Variants in ZAN observed in about 807,000 individuals in gnomAD.
ZAN encodes the protein zonadhesin (gene/pseudogene).
In ZAN, 260 loss-of-function variants were observed where a neutral mutation model predicts 286.2. The observed-to-expected ratio is 0.91, with a 90% CI of 0.82 to 1.01. The LOEUF (loss-of-function observed/expected upper bound fraction) is 1.01. ZAN is among the 50% of genes least tolerant of loss of function. The pLI is 0.00. For synonymous variants in ZAN, 1,368 were observed against 1,417.5 expected, an observed-to-expected ratio of 0.97 and a Z score of 0.79; for missense variants, 3,410 against 3,639.2, an observed-to-expected ratio of 0.94 and a Z score of 1.62.
At chr7:100,778,178 A>G (rs906621086) in intron 34 of ZAN, among the ~76,000 whole-genome samples, 1 of 152,048 alleles carries the variant, frequency 6.6e-6, no homozygotes, top group Non-Finnish European at 1.5e-5. Context: ...ATGGTGGCAC[A>G]TGCCTGTAGT....
intron 35 of ZAN, among the ~76,000 whole-genome samples, chr7:100,784,350 G>A (rs529483245): frequency 3.3e-5 from 5 of 151,776 alleles, no homozygotes; most frequent in African/African-American, 4.8e-5. Context: ...GGATGGTCTC[G>A]ATCTCCTGAC....
rs540200393 is a variant in ZAN at position 100,737,705 on chromosome 7, C to CA, written c.613+369dup. Among the ~76,000 whole-genome samples, 165 of 99,946 alleles carry CA rather than the reference C, an allele frequency of 1.7e-3. 16 individuals carry two copies. In the Middle Eastern group the frequency reaches 0.02, roughly 12 times the overall value. 65.6% of individuals were successfully genotyped at this position (99,946 alleles called of 152,430 possible). On this transcript the variant is annotated intron_variant, in intron 6 of 47. Coordinates refer to ENST00000613979, the MANE Select transcript of ZAN (RefSeq NM_003386.3). ...TTGGCGATGGAGTGAGACTCCGTCT[C>CA]AAAAAAAAAAAAAGAAGAATGAGAA...
chr7:100,787,813 T>C (rs1811656375), intron 37 of ZAN, 76 bp from the exon 38 acceptor site: 3 of 1,364,068 alleles, frequency 2.2e-6, no homozygotes, highest in Non-Finnish European at 2.9e-6. Flanking sequence ...CCACCCGCCT[T>C]GGCCTCCCAA....
intron 19 of ZAN, 122 bp from the exon 20 acceptor site, chr7:100,762,093 C>T (rs1809621274): frequency 3.9e-6 from 5 of 1,269,284 alleles, no homozygotes; most frequent in South Asian, 1.3e-5. Flanking sequence ...CCAGTCCGCA[C>T]CTCTTCATCC....
chr7:100,737,376 G>A (rs1807390623), intron 6 of ZAN, 27 bp downstream of exon 6: 3 of 1,357,288 alleles, frequency 2.2e-6, no homozygotes, highest in Non-Finnish European at 3.0e-6. Context: ...CCTCCCGCCT[G>A]CCCTCGGACC....
At chr7:100,772,152 G>A in intron 29 of ZAN, 132 bp downstream of exon 29, 1 of 1,188,272 alleles carries the variant, frequency 8.4e-7, no homozygotes, top group Non-Finnish European at 1.1e-6. Flanking sequence ...GGAGTGCAGT[G>A]GCGCAATCTC....
intron 14 of ZAN, 97 bp from the exon 15 acceptor site, chr7:100,755,129 C>T: frequency 7.1e-7 from 1 of 1,402,944 alleles, no homozygotes; most frequent in South Asian, 1.4e-5. Context: ...GTCCTGTTTC[C>T]TAGAGAAGAA....
At chr7:100,735,888 G>A (rs1412353515) in intron 3 of ZAN, 116 bp downstream of exon 3, 2 of 835,912 alleles carry the variant, frequency 2.4e-6, no homozygotes, top group Non-Finnish European at 3.7e-6. Context: ...AGTCCCCTCC[G>A]GGCATCAGCC....
intron 40 of ZAN, 100 bp from the exon 41 acceptor site, chr7:100,791,866 T>A: frequency 1.4e-6 from 2 of 1,399,878 alleles, no homozygotes; most frequent in South Asian, 3.0e-5. Flanking sequence ...TAGCTGGGAC[T>A]CCAGGCAGCC....
Position 100,736,381 on chromosome 7 carries a change from G to C in ZAN, c.107-102G>C. On this transcript the variant is annotated intron_variant, in intron 3 of 47. Transcript: ENST00000613979. ...ACCACACCCGGCTGATTTCATGGCAGCTTTCTCTAAGTGTAGCAATCTTGC... is the reference window on the plus strand; with the variant it reads ...ACCACACCCGGCTGATTTCATGGCACCTTTCTCTAAGTGTAGCAATCTTGC... The C allele has an allele frequency of 1.5e-6, 2 of 1,298,700 alleles. 1 individual carries two copies. Among genetic ancestry groups the C allele is most frequent in the East Asian group, 4.7e-5 (2 of 42,656 alleles). The allele number at this position is 1,298,700 out of a possible 1,614,324, so 80.4% of individuals were successfully genotyped here. A position where few individuals can be genotyped will look rare whatever the true frequency, so the allele number is the denominator to read the frequency against.
Position 100,747,575 on chromosome 7 carries a change from C to T in ZAN, c.957C>T (p.Phe319=), listed in dbSNP as rs760639905. 2 of 1,613,748 alleles carry T rather than the reference C, an allele frequency of 1.2e-6. No individual in the cohort carries two copies. Among genetic ancestry groups the T allele is most frequent in the Non-Finnish European group, 1.7e-6 (2 of 1,179,840 alleles). Residue 319 remains phenylalanine (F), a synonymous_variant, in exon 9 of 48, where the codon TTC becomes TTT. Transcript: ENST00000613979. The part of the protein sequence containing the change: ...VLGSIRKHTL[F]SGQPGPNWQA... ...GGAGTATCCGGAAACACACTCTCTT[C>T]TCAGGACAACCTGGGCCCAACTGGC...
In ZAN at chr7:100,763,926, A is replaced by G. The variant is rs1241753978; in HGVS notation, c.4097+10A>G. On this transcript the variant is annotated intron_variant, in intron 21 of 47. Transcript: ENST00000613979. The surrounding 1 kb of genome is among the most constrained non-coding windows in gnomAD (Gnocchi z 4.6). ...CTCATGGCCCATTTGAGTATGAAGG[A>G]GGGCAGGCAGGGTCGCACAGGGGCG... is the stretch of plus-strand genomic sequence containing the variant. 6.2e-7 allele frequency: 1 copy of G among 1,613,106 alleles called. No individual in the cohort carries two copies. The highest frequency in any genetic ancestry group is 8.5e-7 in the Non-Finnish European group (1 of 1,179,688).
chr7:100,789,050 C>A (rs936553566), intron 38 of ZAN, among the ~76,000 whole-genome samples, 168 bp from the exon 39 acceptor site: 8 of 152,064 alleles, frequency 5.3e-5, no homozygotes, highest in Non-Finnish European at 1.0e-4. Context: ...AGGGGGCGGA[C>A]CTCACAGAGG....
In ZAN at chr7:100,786,098, C is replaced by G; in HGVS notation, c.6936C>G (p.Cys2312Trp). ...TCCGATGCCCCTCTGGGTCCCACTG[C>G]CAGCTCACTTCCGACAACAGCAACA... ...GDFRCPSGSH[C>W]QLTSDNSNSN... Residue 2312 changes from cysteine (C) to tryptophan (W), a missense_variant, in exon 37 of 48, where the codon TGC (cysteine) becomes TGG (tryptophan). Coordinates refer to ENST00000613979, the MANE Select transcript of ZAN (RefSeq NM_003386.3). 1 of 1,613,976 alleles carries G rather than the reference C, an allele frequency of 6.2e-7. No homozygotes were observed.
rs530875875 is a variant in ZAN at position 100,734,606 on chromosome 7, G to A, written c.53+385G>A. On this transcript the variant is annotated intron_variant, in intron 2 of 47. Coordinates refer to ENST00000613979, the MANE Select transcript of ZAN (RefSeq NM_003386.3). The stretch of plus-strand genomic sequence containing the variant: ...TGCACTCCAGCCTGGATGACAGAGC[G>A]AGACTCCGTCTCAAAAAAAAAAAAA... Among the ~76,000 whole-genome samples, 37 of 128,824 alleles carry A rather than the reference G, an allele frequency of 2.9e-4. 1 individual carries two copies. Among genetic ancestry groups the A allele is most frequent in the Admixed American group, 2.0e-3 (26 of 13,000 alleles). 84.5% of individuals were successfully genotyped at this position (128,824 alleles called of 152,430 possible).
chr7:100,760,490 CG>C lies in ZAN; in HGVS notation c.3799del (p.Val1267Ter), dbSNP rs1809484419. On this transcript the variant is annotated frameshift_variant, in exon 19 of 48. Coordinates refer to ENST00000613979, the MANE Select transcript of ZAN (RefSeq NM_003386.3). LOFTEE classifies it high-confidence loss of function. The part of the protein sequence containing the change: ...FVELQTEFGL[R>X]VRWDGDQQLY... ...GGAGCTGCAGACGGAGTTCGGTTTG[CG>C]GGTGAGATGGGATGGTGACCAGCAG... 4.3e-6 allele frequency: 7 copies of C among 1,613,920 alleles called. No individual in the cohort carries two copies. Among genetic ancestry groups the C allele is most frequent in the African/African-American group, 2.7e-5 (2 of 75,026 alleles).
At position 100,791,104 on chromosome 7, in the gene ZAN, G is replaced by A. The variant is rs148793581; in HGVS notation, c.7520G>A (p.Arg2507His). 11 of 1,611,132 alleles carry A rather than the reference G, an allele frequency of 6.8e-6. No individual in the cohort carries two copies. The highest frequency in any genetic ancestry group is 2.2e-5 in the East Asian group (1 of 44,836). The change falls in exon 40 of 48, where the codon CGC (arginine) becomes CAC (histidine). Residue 2507 changes from arginine (R) to histidine (H), a missense_variant. Physicochemically the swap from Arg to His is conservative, Grantham distance 29. Transcript: ENST00000613979. ...GTGAAGACCGAGGACGCACTCCTGCGCTTCCCCAGGTGCACGGCCTGGAAG... is the reference window on the plus strand; with the variant it reads ...GTGAAGACCGAGGACGCACTCCTGCACTTCCCCAGGTGCACGGCCTGGAAG... ...WEVKTEDALLRFPRAIPAEEE... is the reference protein window; with the variant it reads ...WEVKTEDALLHFPRAIPAEEE...
At position 100,779,533 on chromosome 7, in the gene ZAN, C is replaced by T; in HGVS notation, c.6405C>T (p.Arg2135=). ...GAAACTGCAGGGCGGCCGACCTCCG[C>T]AGGGCGCGGGAAAAGTGCGAGGCAG... The part of the protein sequence containing the change: ...PSGNCRAADL[R]RAREKCEAAL... The change falls in exon 35 of 48, where the codon CGC becomes CGT. Residue 2135 remains arginine (R), a synonymous_variant. Transcript: ENST00000613979. The T allele has an allele frequency of 1.2e-6, 2 of 1,612,614 alleles. No homozygotes were observed. Among genetic ancestry groups the T allele is most frequent in the Non-Finnish European group, 1.7e-6 (2 of 1,179,426 alleles).
intron 17 of ZAN, 86 bp downstream of exon 17, chr7:100,758,736 G>T: frequency 6.6e-7 from 1 of 1,517,262 alleles, no homozygotes; most frequent in South Asian, 1.2e-5. Context: ...TGGCAGGAAG[G>T]GGCAGGGCAC....
Sources: gnomAD v4.1 joint callset for allele counts (sites outside exome capture counted in the v4.1 genomes callset) on GRCh38, gnomAD v4.1.1 for gene constraint, Gnocchi (gnomAD v3.1) non-coding constraint, MANE v1.5 for transcripts, NCBI Gene and HGNC (gene_info 2026-07-23, HGNC 2026-07-21) for gene names.